The following MYRIP variants were observed in gnomAD, a reference collection of about 807,000 sequenced individuals.
The protein encoded by MYRIP is myosin VIIA and Rab interacting protein, also known as rab effector MyRIP.
Under a neutral mutation model 98.0 loss-of-function variants are expected in MYRIP, and 49 were observed. The ratio of observed to expected loss-of-function variants is 0.50; its 90% CI spans 0.40 to 0.63. The LOEUF is 0.63. MYRIP is among the 30% of genes least tolerant of loss of function. The pLI, the probability that MYRIP is intolerant of heterozygous loss-of-function variation, is 0.00. For missense variants in MYRIP, 1,004 were observed against 1,058.2 expected (o/e 0.95, Z 0.71); for synonymous variants, 404 against 409.5 (o/e 0.99, Z 0.16).
chr3:39,957,688 G>A (rs1945203491), intron 2 of MYRIP, among the ~76,000 whole-genome samples: 1 of 151,404 alleles, frequency 6.6e-6, no homozygotes. Context: ...GGGCAATCAG[G>A]CAGGAGAAAG....
chr3:40,130,383 T>C (rs1160688299), intron 3 of MYRIP, among the ~76,000 whole-genome samples: 2 of 151,144 alleles, frequency 1.3e-5, no homozygotes, highest in African/African-American at 4.9e-5. Flanking sequence ...AAATTTCTTT[T>C]TTTTTTTTTT....
intron 8 of MYRIP, 44 bp from the exon 9 acceptor site, chr3:40,182,176 C>A: frequency 6.5e-7 from 1 of 1,545,846 alleles, no homozygotes; most frequent in Non-Finnish European, 8.7e-7. Context: ...CTCCCAGGCA[C>A]TGTACCTTAT....
intron 3 of MYRIP, among the ~76,000 whole-genome samples, chr3:40,129,350 A>T (rs986522695): frequency 1.4e-5 from 2 of 146,782 alleles, no homozygotes; most frequent in Non-Finnish European, 3.0e-5. Flanking sequence ...CTGAGGCAGG[A>T]GAATCGCTTC....
rs73829705 is a variant in MYRIP at position 39,885,136 on chromosome 3, T to C, written c.-30-15651T>C. Among the ~76,000 whole-genome samples, 219 of 152,138 alleles carry C rather than the reference T, an allele frequency of 1.4e-3. 2 individuals are homozygous for C. Among genetic ancestry groups the C allele is most frequent in the African/African-American group, 5.1e-3 (212 of 41,526 alleles). On this transcript the variant is annotated intron_variant, in intron 1 of 16. Coordinates refer to ENST00000302541, the MANE Select transcript of MYRIP (RefSeq NM_015460.4). ...TTCAGTCTGCACTTATCTTTTTATATATTTGATAGATTTATGAGCCATTTA... is the reference window on the plus strand; with the variant it reads ...TTCAGTCTGCACTTATCTTTTTATACATTTGATAGATTTATGAGCCATTTA...
At chr3:40,104,145 G>C (rs1949007209) in intron 3 of MYRIP, among the ~76,000 whole-genome samples, 1 of 152,160 alleles carries the variant, frequency 6.6e-6, no homozygotes, top group Admixed American at 6.5e-5. Context: ...CCCATGTGCA[G>C]GAGAGTGCCT....
chr3:40,218,612 T>TTATA (rs751894190), intron 11 of MYRIP, among the ~76,000 whole-genome samples: 230 of 13,414 alleles, frequency 0.017, 1 homozygote, highest in African/African-American at 0.027. Context: ...TATATATATT[T>TTATA]TATATATATA....
chr3:39,918,574 T>C (rs910482348), intron 2 of MYRIP, among the ~76,000 whole-genome samples: 4 of 152,198 alleles, frequency 2.6e-5, no homozygotes, highest in African/African-American at 9.7e-5. Context: ...CAGGGAAAAC[T>C]TCCCCTTCGC....
At chr3:40,092,045 A>G (rs150742232) in intron 3 of MYRIP, among the ~76,000 whole-genome samples, 1 of 152,318 alleles carries the variant, frequency 6.6e-6, no homozygotes, top group African/African-American at 2.4e-5. Flanking sequence ...AAGCCTTGAA[A>G]TGGACTCTGT....
At chr3:39,895,743 A>G (rs946457508) in intron 1 of MYRIP, among the ~76,000 whole-genome samples, 3 of 152,280 alleles carry the variant, frequency 2.0e-5, no homozygotes, top group Admixed American at 6.5e-5. Context: ...TCACCTGGGG[A>G]CATAAATGGG....
intron 3 of MYRIP, among the ~76,000 whole-genome samples, chr3:40,088,635 A>T (rs546902481): frequency 6.6e-6 from 1 of 152,220 alleles, no homozygotes; most frequent in South Asian, 2.1e-4. Flanking sequence ...TGGTGCTGGG[A>T]GGTCACCCAG....
At chr3:39,889,643 G>A (rs9823380) in intron 1 of MYRIP, among the ~76,000 whole-genome samples, 6,069 of 152,012 alleles carry the variant, frequency 0.04, 299 homozygotes, top group East Asian at 0.13. Context: ...ACTAACCTGC[G>A]CATTGTGCAC....
intron 4 of MYRIP, among the ~76,000 whole-genome samples, chr3:40,157,818 A>G (rs2125583792): frequency 6.7e-6 from 1 of 150,058 alleles, no homozygotes; most frequent in East Asian, 2.0e-4. Flanking sequence ...GGTAGTTTGT[A>G]TTTCTGTGGG....
At chr3:40,069,964 G>A (rs534171899) in intron 3 of MYRIP, among the ~76,000 whole-genome samples, 6 of 152,154 alleles carry the variant, frequency 3.9e-5, no homozygotes, top group Non-Finnish European at 7.4e-5. Flanking sequence ...AAAGTGGTTC[G>A]CAGTATCTTT....
chr3:40,013,978 T>TG (rs1946811606), intron 2 of MYRIP, among the ~76,000 whole-genome samples: 1 of 152,246 alleles, frequency 6.6e-6, no homozygotes, highest in Non-Finnish European at 1.5e-5. Flanking sequence ...CACTAAAATC[T>TG]ATTGATGTAC....
At chr3:39,955,350 A>G in intron 2 of MYRIP, among the ~76,000 whole-genome samples, 1 of 152,218 alleles carries the variant, frequency 6.6e-6, no homozygotes, top group Non-Finnish European at 1.5e-5. Context: ...TCTACAAGCC[A>G]GAAGAGAGTG....
Position 40,258,273 on chromosome 3 carries a change from C to A in MYRIP, c.*107C>A, listed in dbSNP as rs752478173. 14 of 1,332,604 alleles carry A rather than the reference C, an allele frequency of 1.1e-5. No individual in the cohort carries two copies. Among genetic ancestry groups the A allele is most frequent in the Non-Finnish European group, 1.5e-5 (14 of 929,318 alleles). The allele number at this position is 1,332,604 out of a possible 1,614,324, so 82.5% of individuals were successfully genotyped here. ...TATGTATTTCCACCTGAGGAGAAGG[C>A]CTGGGGAGGCCACAGTGCACCATTG... On this transcript the variant is annotated 3_prime_UTR_variant, in exon 17 of 17. Transcript: ENST00000302541.
chr3:39,816,930 C>T (rs1018210803), intron 1 of MYRIP, among the ~76,000 whole-genome samples: 1 of 152,164 alleles, frequency 6.6e-6, no homozygotes, highest in African/African-American at 2.4e-5. Context: ...TGATAACAGC[C>T]TTCACATCAT....
intron 3 of MYRIP, among the ~76,000 whole-genome samples, chr3:40,141,852 G>T (rs7634072): frequency 6.6e-6 from 1 of 151,874 alleles, no homozygotes; most frequent in Non-Finnish European, 1.5e-5. Flanking sequence ...CAACAGCTTC[G>T]TGGTGTATTT....
chr3:40,137,428 G>A (rs1488333152), intron 3 of MYRIP, among the ~76,000 whole-genome samples: 2 of 152,124 alleles, frequency 1.3e-5, no homozygotes, highest in Non-Finnish European at 2.9e-5. Flanking sequence ...GGACCAGATG[G>A]ATTCACAGCC....
Sources: allele counts gnomAD v4.1 joint callset (sites outside exome capture counted in the v4.1 genomes callset), GRCh38; gene constraint gnomAD v4.1.1; transcripts MANE v1.5; gene names NCBI Gene and HGNC (gene_info 2026-07-23, HGNC 2026-07-21).